TRAPPC8: variants seen among roughly 807,000 people sequenced by gnomAD.
TRAPPC8 encodes the protein general sporulation gene 1 homolog.
TRAPPC8 carries 54 observed loss-of-function variants against 174.3 expected under a neutral mutation model. The observed-to-expected ratio is 0.31, with a 90% CI of 0.25 to 0.39. TRAPPC8 has a LOEUF of 0.39. TRAPPC8 is among the 10% of genes least tolerant of loss of function. TRAPPC8 has a pLI of 1.00. For missense variants in TRAPPC8, 1,531 were observed against 1,699.1 expected (o/e 0.90, Z 1.74); for synonymous variants, 630 against 579.9 (o/e 1.09, Z -1.24).
At chr18:31,836,191 G>C (rs550963328) in intron 27 of TRAPPC8, among the ~76,000 whole-genome samples, 3 of 152,314 alleles carry the variant, frequency 2.0e-5, no homozygotes, top group Non-Finnish European at 4.4e-5. Context: ...GAATCTGATT[G>C]AATCAGCCCA....
rs560830007 is a variant in TRAPPC8, at chr18:31,846,669, A to C, written c.3837+47T>G. 1.4e-5 allele frequency: 20 copies of C among 1,450,708 alleles called. No homozygotes were observed. The African/African-American group carries it at 2.6e-4, about 19-fold the overall frequency. The allele number at this position is 1,450,708 out of a possible 1,614,324, so 89.9% of individuals were successfully genotyped here. On this transcript the variant is annotated intron_variant, in intron 26 of 28. Coordinates refer to ENST00000283351, the MANE Select transcript of TRAPPC8 (RefSeq NM_014939.5). ...CAACCAACCAAACAACAACAAAAAA[A>C]AACCCACAAGTTCACCAGAAAGCTC... is the stretch of plus-strand genomic sequence containing the variant.
intron 1 of TRAPPC8, among the ~76,000 whole-genome samples, chr18:31,936,251 G>C (rs2038092339): frequency 6.6e-6 from 1 of 151,686 alleles, no homozygotes; most frequent in Non-Finnish European, 1.5e-5. Flanking sequence ...TTGAGTCCAA[G>C]AGTTCAAGAA....
chr18:31,885,972 A>G (rs1370867689), intron 12 of TRAPPC8, among the ~76,000 whole-genome samples: 2 of 151,924 alleles, frequency 1.3e-5, no homozygotes, highest in African/African-American at 4.8e-5. Context: ...CGGCGCTTGC[A>G]ACTTTTCTAT....
chr18:31,927,627 T>G (rs550236229), intron 2 of TRAPPC8, among the ~76,000 whole-genome samples: 76 of 152,304 alleles, frequency 5.0e-4, no homozygotes, highest in South Asian at 5.0e-3. Context: ...GGTCTTGAAC[T>G]CCTGGCCTCA....
intron 11 of TRAPPC8, among the ~76,000 whole-genome samples, chr18:31,894,795 C>T (rs1434176299): frequency 2.0e-5 from 3 of 152,090 alleles, no homozygotes; most frequent in Non-Finnish European, 2.9e-5. Flanking sequence ...CCCATAAGAC[C>T]AGTTACTCCT....
In TRAPPC8 at chr18:31,846,754, T is replaced by C; in HGVS notation, c.3799A>G (p.Thr1267Ala). 6.2e-7 allele frequency: 1 copy of C among 1,613,296 alleles called. No individual in the cohort carries two copies. Among genetic ancestry groups the C allele is most frequent in the Non-Finnish European group, 8.5e-7 (1 of 1,179,432 alleles). ...LEGQHHVILR[T>A]IGKEAFSYPQ... The stretch of plus-strand genomic sequence containing the variant: ...TATGAAAAGGCTTCTTTTCCTATAG[T>C]GCGAAGAATAACATGATGTTGACCT... The change falls in exon 26 of 29, where the codon ACT becomes GCT. Residue 1267 changes from threonine to alanine, a missense_variant. Coordinates refer to ENST00000283351, the MANE Select transcript of TRAPPC8 (RefSeq NM_014939.5).
At chr18:31,913,111 G>C (rs538881101) in intron 5 of TRAPPC8, among the ~76,000 whole-genome samples, 1 of 151,682 alleles carries the variant, frequency 6.6e-6, no homozygotes, top group Admixed American at 6.6e-5. Flanking sequence ...CTGGGCGACA[G>C]AGCAAGACTC....
At chr18:31,890,044 G>C (rs951637185) in intron 12 of TRAPPC8, among the ~76,000 whole-genome samples, 1 of 152,132 alleles carries the variant, frequency 6.6e-6, no homozygotes, top group Non-Finnish European at 1.5e-5. Flanking sequence ...TCCTTAAGAC[G>C]TAAGACCATG....
Position 31,942,938 on chromosome 18 carries a change from C to A in TRAPPC8, c.-174G>T, listed in dbSNP as rs1011670335. On this transcript the variant is annotated 5_prime_UTR_variant, in exon 1 of 29. Coordinates refer to ENST00000283351, the MANE Select transcript of TRAPPC8 (RefSeq NM_014939.5). ...GACGCCGCCGCTTCGGTTTCTGGGG[C>A]ACAATCCACTGACCCCCCCCTTCCC... 7.5e-6 allele frequency: 9 copies of A among 1,202,076 alleles called. No individual in the cohort carries two copies. The African/African-American group carries it at 9.4e-5, about 13-fold the overall frequency. The allele number at this position is 1,202,076 out of a possible 1,614,324, so 74.5% of individuals were successfully genotyped here.
At chr18:31,916,568 T>G (rs985318146) in intron 3 of TRAPPC8, 122 bp from the exon 4 acceptor site, 10 of 1,006,888 alleles carry the variant, frequency 9.9e-6, no homozygotes, top group Non-Finnish European at 1.4e-5. Context: ...AGTCTCACTC[T>G]GTAGCCCAGG....
intron 12 of TRAPPC8, 51 bp downstream of exon 12, chr18:31,890,684 C>T: frequency 3.2e-6 from 5 of 1,556,500 alleles, no homozygotes; most frequent in Non-Finnish European, 4.3e-6. Flanking sequence ...ACAAATGACA[C>T]ACATTTATAA....
chr18:31,876,279 A>T (rs1206408932), intron 12 of TRAPPC8, among the ~76,000 whole-genome samples: 4 of 151,996 alleles, frequency 2.6e-5, no homozygotes, highest in Non-Finnish European at 5.9e-5. Context: ...TCATGAGGTC[A>T]GGAGATTGAG....
At chr18:31,877,378 C>T (rs201962028) in intron 12 of TRAPPC8, among the ~76,000 whole-genome samples, 5 of 151,794 alleles carry the variant, frequency 3.3e-5, no homozygotes, top group Non-Finnish European at 7.4e-5. Flanking sequence ...TTTGGGAGGC[C>T]GAGGCAGGCA....
chr18:31,917,952 C>T (rs1274968815), intron 2 of TRAPPC8, among the ~76,000 whole-genome samples: 4 of 151,908 alleles, frequency 2.6e-5, no homozygotes, highest in Non-Finnish European at 5.9e-5. Context: ...GGCAAAACCT[C>T]GTGTCTCTAC....
chr18:31,831,060 A>G (rs973083175), intron 28 of TRAPPC8, 71 bp from the exon 29 acceptor site: 53 of 1,373,284 alleles, frequency 3.9e-5, no homozygotes, highest in Non-Finnish European at 4.8e-5. Flanking sequence ...TCACATTAAC[A>G]TATCCCTTTC....
chr18:31,902,313 AGAGT>A (rs891110095), intron 9 of TRAPPC8, among the ~76,000 whole-genome samples: 1 of 152,208 alleles, frequency 6.6e-6, no homozygotes, highest in Non-Finnish European at 1.5e-5. Flanking sequence ...CCTGGGCAAC[AGAGT>A]GAGATTCGGT....
chr18:31,912,597 G>A (rs2036961335), intron 5 of TRAPPC8, among the ~76,000 whole-genome samples: 1 of 152,056 alleles, frequency 6.6e-6, no homozygotes, highest in Non-Finnish European at 1.5e-5. Context: ...GGAGGTGGAG[G>A]CTGCAGTGAG....
In TRAPPC8 at chr18:31,928,154, T is replaced by TA. The variant is rs905401658; in HGVS notation, c.352+3174dup. Among the ~76,000 whole-genome samples, 12 of 147,832 alleles carry TA rather than the reference T, an allele frequency of 8.1e-5. No individual in the cohort carries two copies. The South Asian group carries it at 2.3e-3, about 29-fold the overall frequency. ...CTGGGCAAAAGAGTGAGACTCCGAC[T>TA]AAAAAAAATAAAATAAAATAAAATA... On this transcript the variant is annotated intron_variant, in intron 2 of 28. Transcript: ENST00000283351.
intron 2 of TRAPPC8, among the ~76,000 whole-genome samples, chr18:31,921,423 G>C (rs1224767073): frequency 2.0e-5 from 3 of 152,066 alleles, no homozygotes; most frequent in African/African-American, 7.2e-5. Flanking sequence ...AGACCAGCCT[G>C]ACCAACATGG....
Sources: gnomAD v4.1 joint callset for allele counts (sites outside exome capture counted in the v4.1 genomes callset) on GRCh38, gnomAD v4.1.1 for gene constraint, MANE v1.5 for transcripts, NCBI Gene and HGNC (gene_info 2026-07-23, HGNC 2026-07-21) for gene names.